The following PTPRN2 variants were observed in gnomAD, a reference collection of about 807,000 sequenced individuals.
PTPRN2 encodes receptor-type tyrosine-protein phosphatase N2.
In PTPRN2, 74 loss-of-function variants were observed where a neutral mutation model predicts 118.8. That is an observed-to-expected ratio of 0.62 (90% confidence interval 0.52 to 0.76). The LOEUF (loss-of-function observed/expected upper bound fraction) is 0.76. Among genes scored for constraint, PTPRN2 ranks in the 30% least tolerant of loss-of-function variants. PTPRN2 has a pLI of 0.00. For synonymous variants in PTPRN2, 641 were observed against 608.0 expected, an observed-to-expected ratio of 1.05 and a Z score of -0.80; for missense variants, 1,481 against 1,394.4, an observed-to-expected ratio of 1.06 and a Z score of -0.99.
In PTPRN2 at chr7:158,546,445, C is replaced by T. The variant is rs759384457; in HGVS notation, c.112+41113G>A. Among the ~76,000 whole-genome samples the T allele has an allele frequency of 6.6e-6, 1 of 152,196 alleles. No individual in the cohort carries two copies. Among genetic ancestry groups the T allele is most frequent in the Non-Finnish European group, 1.5e-5 (1 of 68,028 alleles). ...GGAATGGTGCTGGAATCACAGCCGC[C>T]GGGTTAAGGGGCTCATGGCGGAGGC... On this transcript the variant is annotated intron_variant, in intron 1 of 22. Coordinates refer to ENST00000389418, the MANE Select transcript of PTPRN2 (RefSeq NM_002847.5). This position sits in a 1 kb window ranked among gnomAD's most constrained non-coding sequence, Gnocchi z 5.0.
intron 12 of PTPRN2, among the ~76,000 whole-genome samples, chr7:157,879,322 ACAG>A (rs1795981835): frequency 6.6e-6 from 1 of 152,212 alleles, no homozygotes; most frequent in Non-Finnish European, 1.5e-5. Context: ...CTCCATGAGA[ACAG>A]CAGGAACACA....
chr7:157,558,686 G>A (rs1413660927), intron 21 of PTPRN2, among the ~76,000 whole-genome samples: 3 of 152,364 alleles, frequency 2.0e-5, no homozygotes, highest in East Asian at 3.9e-4. Context: ...CTCCCAGGCC[G>A]CACTGACTGC....
chr7:158,023,676 A>G (rs1483776736), intron 11 of PTPRN2, among the ~76,000 whole-genome samples: 1 of 152,172 alleles, frequency 6.6e-6, no homozygotes, highest in African/African-American at 2.4e-5. Flanking sequence ...CAGCAGACAC[A>G]CACATTCTTA....
intron 14 of PTPRN2, among the ~76,000 whole-genome samples, chr7:157,625,345 C>T (rs1454187000): frequency 1.3e-5 from 2 of 152,130 alleles, no homozygotes; most frequent in African/African-American, 2.4e-5. Flanking sequence ...GCTTATCAAT[C>T]AATGAGAGGA....
chr7:158,526,003 A>ACCTGCAGC lies in PTPRN2; in HGVS notation c.113-36226_113-36219dup, dbSNP rs1824753820. Among the ~76,000 whole-genome samples, 1 of 152,090 alleles carries ACCTGCAGC rather than the reference A, an allele frequency of 6.6e-6. No homozygotes were observed. The highest frequency in any genetic ancestry group is 2.1e-4 in the South Asian group (1 of 4,824). ...GACTCGGCTCTCTGCAGACCTGCAGACCTGCAGCCCAGCCCCTACTCTCCC... is the reference window on the plus strand; with the variant it reads ...GACTCGGCTCTCTGCAGACCTGCAGACCTGCAGCCCTGCAGCCCAGCCCCTACTCTCCC... On this transcript the variant is annotated intron_variant, in intron 1 of 22. Coordinates refer to ENST00000389418, the MANE Select transcript of PTPRN2 (RefSeq NM_002847.5). This position sits in a 1 kb window ranked among gnomAD's most constrained non-coding sequence, Gnocchi z 5.2.
At chr7:158,527,139 G>A (rs1172460540) in intron 1 of PTPRN2, among the ~76,000 whole-genome samples, 1 of 152,128 alleles carries the variant, frequency 6.6e-6, no homozygotes, top group Non-Finnish European at 1.5e-5. Flanking sequence ...TCCCTCCGAG[G>A]ATCCCCCACA....
intron 11 of PTPRN2, among the ~76,000 whole-genome samples, chr7:158,023,241 G>A (rs1304203420): frequency 1.3e-5 from 2 of 152,008 alleles, no homozygotes; most frequent in South Asian, 2.1e-4. Context: ...GCTAAAGGAG[G>A]AGCTCACCAC....
intron 1 of PTPRN2, among the ~76,000 whole-genome samples, chr7:158,585,307 C>T (rs1828850592): frequency 6.6e-6 from 1 of 152,234 alleles, no homozygotes; most frequent in African/African-American, 2.4e-5. Flanking sequence ...CCCAAGGTGG[C>T]TCCTGCAATG....
chr7:158,217,364 GA>G (rs1828027339), intron 3 of PTPRN2, among the ~76,000 whole-genome samples: 1 of 152,260 alleles, frequency 6.6e-6, no homozygotes, highest in South Asian at 2.1e-4. Context: ...TCGGCCCTAT[GA>G]AAAAATTCAG....
At chr7:157,613,882 C>A (rs1802566593) in intron 15 of PTPRN2, 1 of 374,682 alleles carries the variant, frequency 2.7e-6, no homozygotes, top group South Asian at 2.0e-5. Context: ...TCTCTCACCA[C>A]GAGCAGACCT....
chr7:157,599,807 A>C (rs1340957823), intron 16 of PTPRN2, among the ~76,000 whole-genome samples: 2 of 152,064 alleles, frequency 1.3e-5, no homozygotes, highest in East Asian at 3.9e-4. Flanking sequence ...ACAGAGAATA[A>C]GCACACACCT....
intron 3 of PTPRN2, among the ~76,000 whole-genome samples, chr7:158,277,056 G>A (rs10244739): frequency 0.71 from 107,650 of 152,124 alleles, 39,083 homozygotes; most frequent in South Asian, 0.83. Context: ...AAGAGTGGCT[G>A]ATCAGAGCTC....
chr7:157,894,849 A>G (rs6960418), intron 12 of PTPRN2, among the ~76,000 whole-genome samples: 1,687 of 152,328 alleles, frequency 0.011, 32 homozygotes, highest in African/African-American at 0.038. Context: ...CATGTGCCAG[A>G]GCACGGTCCA....
In PTPRN2 at chr7:157,596,699, G is replaced by A. The variant is rs761221203; in HGVS notation, c.2419-1384C>T. Among the ~76,000 whole-genome samples the A allele has an allele frequency of 6.6e-6, 1 of 152,180 alleles. No individual in the cohort carries two copies. Among genetic ancestry groups the A allele is most frequent in the Non-Finnish European group, 1.5e-5 (1 of 68,022 alleles). ...GAAGCATCTGCAGAGACCGACCCCC[G>A]GAGAGCCGGATGCTGCGCTGGGGGA... On this transcript the variant is annotated intron_variant, in intron 16 of 22. Transcript: ENST00000389418. The surrounding 1 kb of genome is among the most constrained non-coding windows in gnomAD (Gnocchi z 4.2).
chr7:157,912,008 GTTC>G (rs1424336839), intron 11 of PTPRN2, among the ~76,000 whole-genome samples: 1 of 152,072 alleles, frequency 6.6e-6, no homozygotes, highest in African/African-American at 2.4e-5. Context: ...GGGAAACTGG[GTTC>G]TTATTTTTCC....
chr7:158,557,337 G>A (rs112060898), intron 1 of PTPRN2, among the ~76,000 whole-genome samples: 10 of 135,720 alleles, frequency 7.4e-5, no homozygotes, highest in African/African-American at 3.1e-4. Flanking sequence ...GGCGGCTCCC[G>A]CGCAGGTCAG....
intron 3 of PTPRN2, among the ~76,000 whole-genome samples, chr7:158,218,415 C>A (rs1010617671): frequency 1.3e-4 from 20 of 152,120 alleles, no homozygotes; most frequent in Admixed American, 1.3e-3. Context: ...TATCATTAGA[C>A]CCGCTTTACA....
At chr7:157,692,271 G>T (rs1329107586) in intron 12 of PTPRN2, among the ~76,000 whole-genome samples, 3 of 151,802 alleles carry the variant, frequency 2.0e-5, no homozygotes, top group African/African-American at 7.3e-5. Flanking sequence ...CGGCCCCTCC[G>T]GGGCCAACTC....
chr7:157,941,647 C>A (rs1800137171), intron 11 of PTPRN2, among the ~76,000 whole-genome samples: 1 of 152,318 alleles, frequency 6.6e-6, no homozygotes. Context: ...TACGTCCATG[C>A]ATGTGTATAA....
Sources: gnomAD v4.1 joint callset for allele counts (sites outside exome capture counted in the v4.1 genomes callset) on GRCh38, gnomAD v4.1.1 for gene constraint, Gnocchi (gnomAD v3.1) non-coding constraint, MANE v1.5 for transcripts, NCBI Gene and HGNC (gene_info 2026-07-23, HGNC 2026-07-21) for gene names.